ENTREP2: variants seen among roughly 807,000 people sequenced by gnomAD.
ENTREP2 encodes protein ENTREP2.
chr15:29,498,097 A>T, the ENTREP2 span, among the ~76,000 whole-genome samples: 1 of 152,114 alleles, frequency 6.6e-6, no homozygotes, highest in Non-Finnish European at 1.5e-5. Context: ...CTGAGTTCTC[A>T]TGACAGCTGA....
At chr15:29,196,551 C>T in the ENTREP2 span, 18 of 1,551,336 alleles carry the variant, frequency 1.2e-5, no homozygotes, top group Non-Finnish European at 1.3e-5. Flanking sequence ...CACCTCCACA[C>T]TGTCAAACTT....
the ENTREP2 span, among the ~76,000 whole-genome samples, chr15:29,342,939 A>G: frequency 6.6e-6 from 1 of 150,642 alleles, no homozygotes; most frequent in Non-Finnish European, 1.5e-5. Flanking sequence ...TTATTTATTT[A>G]GCCACGTAAA....
the ENTREP2 span, among the ~76,000 whole-genome samples, chr15:29,337,252 G>A: frequency 1.4e-4 from 22 of 152,264 alleles, 1 homozygote; most frequent in South Asian, 3.3e-3. Flanking sequence ...AGTGCTGTGC[G>A]GACTGTCAAT....
the ENTREP2 span, among the ~76,000 whole-genome samples, chr15:29,418,256 A>G: frequency 1.4e-3 from 216 of 152,340 alleles, no homozygotes; most frequent in African/African-American, 5.0e-3. Flanking sequence ...ATTTAATGCA[A>G]TATGCTTTCC....
At chr15:29,664,648 C>A in the ENTREP2 span, among the ~76,000 whole-genome samples, 42 of 152,202 alleles carry the variant, frequency 2.8e-4, no homozygotes, top group African/African-American at 6.3e-4. Context: ...GACTGTGGGA[C>A]CTGGGCAGAC....
At chr15:29,527,870 G>A in the ENTREP2 span, among the ~76,000 whole-genome samples, 7 of 151,998 alleles carry the variant, frequency 4.6e-5, no homozygotes, top group Non-Finnish European at 1.0e-4. Flanking sequence ...GATTCACAGG[G>A]GTCTCCATTC....
At chr15:29,514,548 C>T in the ENTREP2 span, among the ~76,000 whole-genome samples, 4 of 152,200 alleles carry the variant, frequency 2.6e-5, no homozygotes, top group African/African-American at 9.7e-5. Flanking sequence ...CGATTCCCTG[C>T]TTTCAGTGAA....
At chr15:29,349,777 A>G in the ENTREP2 span, among the ~76,000 whole-genome samples, 1 of 152,172 alleles carries the variant, frequency 6.6e-6, no homozygotes, top group African/African-American at 2.4e-5. Context: ...GCGTACCTGT[A>G]GTCCCAGCTA....
At chr15:29,325,113 GAAATGAAAATATACTTTGAACTAAATGA>G in the ENTREP2 span, among the ~76,000 whole-genome samples, 1 of 152,100 alleles carries the variant, frequency 6.6e-6, no homozygotes, top group Admixed American at 6.5e-5. Flanking sequence ...AGTCTCAAGT[GAAATGAAAATATACTTTGAACTAAATGA>G]AAATGAAAAT....
chr15:29,388,366 A>AT, the ENTREP2 span, among the ~76,000 whole-genome samples: 1 of 152,270 alleles, frequency 6.6e-6, no homozygotes, highest in Non-Finnish European at 1.5e-5. Flanking sequence ...ACATGAAAAA[A>AT]TGCTCATCAT....
the ENTREP2 span, chr15:29,374,398 C>T: frequency 1.3e-5 from 2 of 152,078 alleles, no homozygotes; most frequent in Admixed American, 6.6e-5. Context: ...TTAAGCTTTA[C>T]AGTATACAAC....
chr15:29,227,227 A>G, the ENTREP2 span, among the ~76,000 whole-genome samples: 1 of 152,216 alleles, frequency 6.6e-6, no homozygotes, highest in Admixed American at 6.5e-5. Flanking sequence ...GGACTGGAAT[A>G]TAGTTCATTA....
At chr15:29,244,979 T>C in the ENTREP2 span, among the ~76,000 whole-genome samples, 1 of 152,210 alleles carries the variant, frequency 6.6e-6, no homozygotes, top group Non-Finnish European at 1.5e-5. Flanking sequence ...TCCAATGTTA[T>C]TTGAACAGTT....
chr15:29,459,746 C>T, the ENTREP2 span, among the ~76,000 whole-genome samples: 5 of 152,230 alleles, frequency 3.3e-5, no homozygotes, highest in Admixed American at 2.6e-4. Flanking sequence ...CCATGGACTC[C>T]CTTCTCACAC....
At chr15:29,449,753 C>T in the ENTREP2 span, among the ~76,000 whole-genome samples, 1 of 152,138 alleles carries the variant, frequency 6.6e-6, no homozygotes, top group South Asian at 2.1e-4. Context: ...CTCAAAGGTC[C>T]ACTTCATGGT....
the ENTREP2 span, among the ~76,000 whole-genome samples, chr15:29,371,274 T>C: frequency 5.3e-5 from 8 of 151,478 alleles, no homozygotes; most frequent in Non-Finnish European, 1.2e-4. Context: ...GCCTTCACAT[T>C]CTGGACCACG....
chr15:29,430,735 C>T, the ENTREP2 span, among the ~76,000 whole-genome samples: 1 of 152,120 alleles, frequency 6.6e-6, no homozygotes, highest in Non-Finnish European at 1.5e-5. Context: ...AATGGAGGTA[C>T]ACCCATCACT....
chr15:29,408,032 A>G, the ENTREP2 span, among the ~76,000 whole-genome samples: 1 of 152,124 alleles, frequency 6.6e-6, no homozygotes, highest in South Asian at 2.1e-4. Flanking sequence ...AAGGATTTAC[A>G]GTAGGTGAAA....
At chr15:29,444,747 G>C in the ENTREP2 span, among the ~76,000 whole-genome samples, 1 of 152,078 alleles carries the variant, frequency 6.6e-6, no homozygotes. Flanking sequence ...TTACAGGTGT[G>C]AGCCATCACA....
Sources: gnomAD v4.1 joint callset for allele counts (sites outside exome capture counted in the v4.1 genomes callset) on GRCh38, gnomAD v4.1.1 for gene constraint, MANE v1.5 for transcripts, NCBI Gene and HGNC (gene_info 2026-07-23, HGNC 2026-07-21) for gene names.